Variants in CTNND2 observed in about 807,000 individuals in gnomAD.
The protein encoded by CTNND2 is catenin delta-2.
In CTNND2, 22 loss-of-function variants were observed where a neutral mutation model predicts 144.4. The ratio of observed to expected loss-of-function variants is 0.15; its 90% confidence interval spans 0.11 to 0.22. The LOEUF (loss-of-function observed/expected upper bound fraction) is 0.22, where lower values mean the gene tolerates loss of function less well. Ranked by LOEUF, CTNND2 falls within the 10% of genes least tolerant of loss-of-function variation. The pLI is 1.00. For missense variants in CTNND2, 1,353 were observed against 1,618.8 expected (o/e 0.84, Z 2.82); for synonymous variants, 751 against 695.6 (o/e 1.08, Z -1.25).
rs368055523 is a variant in CTNND2 at position 11,700,532 on chromosome 5, G to A, written c.174+31604C>T. ...CTTGGTTGTATTCAGCGTGCTGGGGGAGTAAGCCATGGTGAGAATGTGCCT... is the reference window on the plus strand; with the variant it reads ...CTTGGTTGTATTCAGCGTGCTGGGGAAGTAAGCCATGGTGAGAATGTGCCT... On this transcript the variant is annotated intron_variant, in intron 2 of 21. Coordinates refer to ENST00000304623, the MANE Select transcript of CTNND2 (RefSeq NM_001332.4). Among the ~76,000 whole-genome samples, 63 of 152,306 alleles carry A rather than the reference G, an allele frequency of 4.1e-4. No homozygotes were observed. In the South Asian group the frequency reaches 0.013, roughly 31 times the overall value.
At chr5:11,732,507 TTC>T (rs1561742990) in intron 1 of CTNND2, among the ~76,000 whole-genome samples, 1 of 152,172 alleles carries the variant, frequency 6.6e-6, no homozygotes, top group Non-Finnish European at 1.5e-5. Flanking sequence ...CACTCACACT[TTC>T]TGTTTTGTCT....
chr5:11,052,638 C>G (rs910999530), intron 16 of CTNND2, among the ~76,000 whole-genome samples: 1 of 152,094 alleles, frequency 6.6e-6, no homozygotes, highest in Non-Finnish European at 1.5e-5. Context: ...AATCTCATCT[C>G]CCTCCTCCCA....
chr5:11,087,855 A>G (rs1750342619), intron 15 of CTNND2, among the ~76,000 whole-genome samples: 1 of 152,190 alleles, frequency 6.6e-6, no homozygotes, highest in South Asian at 2.1e-4. Flanking sequence ...CAAAATATTA[A>G]TGTACAGGCA....
rs183189258 is a variant in CTNND2, at chr5:11,456,369, T to A, written c.288-44300A>T. Among the ~76,000 whole-genome samples the A allele has an allele frequency of 2.0e-5, 3 of 151,398 alleles. No homozygotes were observed. In the East Asian group the frequency reaches 5.9e-4, roughly 30 times the overall value. On this transcript the variant is annotated intron_variant, in intron 3 of 21. Transcript: ENST00000304623. ...GGCATAATGGAGACGGAATAGAGAATCATTTTAAAAACACCCTCTAGTTTT... is the reference window on the plus strand; with the variant it reads ...GGCATAATGGAGACGGAATAGAGAAACATTTTAAAAACACCCTCTAGTTTT...
rs1394630836 is a variant in CTNND2, at chr5:11,229,853, G to A, written c.1761+6838C>T. On this transcript the variant is annotated intron_variant, in intron 10 of 21. Coordinates refer to ENST00000304623, the MANE Select transcript of CTNND2 (RefSeq NM_001332.4). ...TACTCCTCTTTTTGTATAACTGTCT[G>A]TATATGAAAGGGGGTGCCACCTGCA... 2.0e-5 allele frequency among the ~76,000 whole-genome samples: 3 copies of A among 151,780 alleles called. No individual in the cohort carries two copies. The East Asian group carries it at 5.8e-4, about 29-fold the overall frequency.
At chr5:11,420,878 C>G (rs553396371) in intron 3 of CTNND2, among the ~76,000 whole-genome samples, 1 of 152,126 alleles carries the variant, frequency 6.6e-6, no homozygotes, top group Non-Finnish European at 1.5e-5. Flanking sequence ...ATGGATATAG[C>G]TACAGAATCT....
chr5:11,351,027 C>T (rs1358025634), intron 8 of CTNND2, among the ~76,000 whole-genome samples: 1 of 152,128 alleles, frequency 6.6e-6, no homozygotes, highest in Admixed American at 6.5e-5. Context: ...CCAAGTCTCC[C>T]ATCTGGCCCC....
At chr5:11,240,416 A>ACC (rs1354817459) in intron 9 of CTNND2, among the ~76,000 whole-genome samples, 18 of 132,390 alleles carry the variant, frequency 1.4e-4, no homozygotes, top group African/African-American at 4.4e-4. Context: ...CCCACAACAC[A>ACC]CACTGACACA....
At chr5:11,645,924 T>C (rs1782321371) in intron 2 of CTNND2, among the ~76,000 whole-genome samples, 1 of 151,784 alleles carries the variant, frequency 6.6e-6, no homozygotes, top group Admixed American at 6.6e-5. Flanking sequence ...GCTTTATTGT[T>C]TTATTTTTTT....
intron 15 of CTNND2, among the ~76,000 whole-genome samples, chr5:11,086,587 G>A (rs1006567219): frequency 6.6e-6 from 1 of 152,172 alleles, no homozygotes; most frequent in Admixed American, 6.5e-5. Context: ...GCTCAGAGAT[G>A]AACCTGAAGT....
At chr5:11,181,841 TGTGTGTGTGG>T (rs1735030518) in intron 11 of CTNND2, among the ~76,000 whole-genome samples, 1 of 59,960 alleles carries the variant, frequency 1.7e-5, no homozygotes, top group African/African-American at 9.0e-5. Context: ...ATGTGTGGCA[TGTGTGTGTGG>T]ATGTGTGTGT....
intron 21 of CTNND2, among the ~76,000 whole-genome samples, chr5:10,979,030 C>A (rs79196936): frequency 6.6e-6 from 1 of 152,098 alleles, no homozygotes; most frequent in Admixed American, 6.5e-5. Flanking sequence ...TGCCAACTCC[C>A]GGGGAAGGAA....
intron 9 of CTNND2, among the ~76,000 whole-genome samples, chr5:11,282,131 G>A (rs915597778): frequency 3.3e-5 from 5 of 152,072 alleles, no homozygotes; most frequent in Non-Finnish European, 7.4e-5. Flanking sequence ...AGTCAGTGCT[G>A]GTTGGTTGTC....
intron 9 of CTNND2, among the ~76,000 whole-genome samples, chr5:11,253,108 TA>T (rs1743840197): frequency 6.6e-6 from 1 of 152,160 alleles, no homozygotes; most frequent in Non-Finnish European, 1.5e-5. Flanking sequence ...GAACAGAGAA[TA>T]AAAGGTCATA....
intron 2 of CTNND2, among the ~76,000 whole-genome samples, chr5:11,711,429 T>C (rs1430524338): frequency 6.6e-6 from 1 of 152,212 alleles, no homozygotes; most frequent in East Asian, 1.9e-4. Context: ...ATGTAGGGCA[T>C]GCTCATTGCA....
At chr5:11,199,144 C>T (rs755671086) in intron 11 of CTNND2, among the ~76,000 whole-genome samples, 1 of 152,146 alleles carries the variant, frequency 6.6e-6, no homozygotes, top group Non-Finnish European at 1.5e-5. Context: ...ATTATTAATG[C>T]TATTCTAATA....
intron 2 of CTNND2, among the ~76,000 whole-genome samples, chr5:11,660,994 C>G (rs1285611324): frequency 6.6e-6 from 1 of 151,992 alleles, no homozygotes; most frequent in African/African-American, 2.4e-5. Flanking sequence ...GTTGCTAGAT[C>G]AGAGAATTAT....
intron 3 of CTNND2, among the ~76,000 whole-genome samples, chr5:11,431,971 T>C (rs1166284547): frequency 6.6e-6 from 1 of 152,128 alleles, no homozygotes; most frequent in Non-Finnish European, 1.5e-5. Context: ...GCATTTTATT[T>C]TGAAGAAAAG....
chr5:11,081,913 T>C (rs759380479), intron 16 of CTNND2, among the ~76,000 whole-genome samples: 6 of 152,232 alleles, frequency 3.9e-5, no homozygotes, highest in South Asian at 2.1e-4. Context: ...CAGGTGGTGA[T>C]TGTACAACAT....
Sources: gnomAD v4.1 joint callset for allele counts (sites outside exome capture counted in the v4.1 genomes callset) on GRCh38, gnomAD v4.1.1 for gene constraint, MANE v1.5 for transcripts, NCBI Gene and HGNC (gene_info 2026-07-23, HGNC 2026-07-21) for gene names.